Variants in C10orf90 observed in about 807,000 individuals in gnomAD.
C10orf90 encodes the protein (E2-independent) E3 ubiquitin-conjugating enzyme FATS.
C10orf90 carries 56 observed loss-of-function variants against 62.5 expected under a neutral mutation model. The observed-to-expected ratio is 0.90, with a 90% CI of 0.72 to 1.12. C10orf90 has a LOEUF of 1.12. C10orf90 is among the 50% of genes most tolerant of loss of function. The pLI is 0.00. For missense variants in C10orf90, 970 were observed against 880.4 expected (o/e 1.10, Z -1.29); for synonymous variants, 386 against 340.4 (o/e 1.13, Z -1.47).
intron 2 of C10orf90, among the ~76,000 whole-genome samples, chr10:126,617,436 G>A (rs988627873): frequency 3.9e-5 from 6 of 152,162 alleles, no homozygotes; most frequent in African/African-American, 9.7e-5. Flanking sequence ...GTGCCTTCCC[G>A]CTCATAATGA....
intron 2 of C10orf90, among the ~76,000 whole-genome samples, chr10:126,621,180 G>A (rs1332409548): frequency 2.0e-5 from 3 of 152,110 alleles, no homozygotes; most frequent in Non-Finnish European, 4.4e-5. Context: ...TTTCCCAGTG[G>A]ACTCTACGAC....
chr10:126,563,688 T>C (rs969948041), intron 2 of C10orf90, among the ~76,000 whole-genome samples: 38 of 152,164 alleles, frequency 2.5e-4, no homozygotes, highest in African/African-American at 8.9e-4. Flanking sequence ...GCACTAAACA[T>C]AGGAACACAA....
chr10:126,565,394 ATT>A (rs1491549471), intron 2 of C10orf90, among the ~76,000 whole-genome samples: 4 of 74,708 alleles, frequency 5.4e-5, no homozygotes, highest in Non-Finnish European at 7.0e-5. Flanking sequence ...TATTATATAT[ATT>A]ATATTATATA....
chr10:126,640,139 C>T (rs1326946886), intron 2 of C10orf90, among the ~76,000 whole-genome samples: 1 of 152,220 alleles, frequency 6.6e-6, no homozygotes, highest in African/African-American at 2.4e-5. Context: ...ATCAGAAAAG[C>T]AATGCTGCCT....
intron 2 of C10orf90, among the ~76,000 whole-genome samples, chr10:126,592,078 C>T (rs1361365240): frequency 6.6e-6 from 1 of 152,172 alleles, no homozygotes; most frequent in Non-Finnish European, 1.5e-5. Context: ...ACATTCCATG[C>T]TCATGAATAG....
At chr10:126,507,935 T>A (rs1451252094) in intron 3 of C10orf90, among the ~76,000 whole-genome samples, 1 of 151,778 alleles carries the variant, frequency 6.6e-6, no homozygotes, top group Non-Finnish European at 1.5e-5. Flanking sequence ...ACACATTCCC[T>A]CCCATTTTAG....
At chr10:126,668,840 GTGAC>G (rs1157875040) in intron 1 of C10orf90, among the ~76,000 whole-genome samples, 1 of 152,116 alleles carries the variant, frequency 6.6e-6, no homozygotes, top group Non-Finnish European at 1.5e-5. Context: ...AAATGTAGCT[GTGAC>G]TGTCATATAT....
chr10:126,469,333 T>A (rs140921027), intron 4 of C10orf90, among the ~76,000 whole-genome samples: 4 of 152,320 alleles, frequency 2.6e-5, no homozygotes, highest in African/African-American at 9.6e-5. Flanking sequence ...AAAGATTGTC[T>A]CTGAGGTTTT....
At chr10:126,439,655 A>C (rs1809413438) in intron 7 of C10orf90, among the ~76,000 whole-genome samples, 1 of 152,178 alleles carries the variant, frequency 6.6e-6, no homozygotes, top group Admixed American at 6.5e-5. Context: ...CTGAAACTGA[A>C]GGATATAACA....
intron 2 of C10orf90, among the ~76,000 whole-genome samples, chr10:126,599,402 G>A (rs1409136057): frequency 1.3e-5 from 2 of 151,048 alleles, no homozygotes; most frequent in Non-Finnish European, 2.9e-5. Context: ...GGGTTTCACC[G>A]TGTTAGCCAG....
chr10:126,502,779 TG>T, intron 4 of C10orf90: 1 of 521,580 alleles, frequency 1.9e-6, no homozygotes, highest in Non-Finnish European at 3.9e-6. Context: ...ACCACTAAAG[TG>T]GGATTTATCT....
intron 7 of C10orf90, among the ~76,000 whole-genome samples, chr10:126,433,718 A>G (rs552664373): frequency 6.6e-6 from 1 of 151,944 alleles, no homozygotes; most frequent in Admixed American, 6.5e-5. Flanking sequence ...TTTGAAAACA[A>G]AACAAAACAA....
intron 7 of C10orf90, among the ~76,000 whole-genome samples, chr10:126,448,583 G>T (rs539505267): frequency 1.3e-5 from 2 of 151,914 alleles, no homozygotes; most frequent in South Asian, 4.2e-4. Context: ...ACAAGTAATA[G>T]AAAAGATCAA....
At chr10:126,577,474 G>A (rs1477217345) in intron 2 of C10orf90, among the ~76,000 whole-genome samples, 3 of 151,792 alleles carry the variant, frequency 2.0e-5, no homozygotes, top group Non-Finnish European at 4.4e-5. Flanking sequence ...CCTTACAAAA[G>A]CTGTGCAAGA....
chr10:126,515,448 G>A (rs1863387662), intron 2 of C10orf90, among the ~76,000 whole-genome samples: 1 of 152,118 alleles, frequency 6.6e-6, no homozygotes, highest in Non-Finnish European at 1.5e-5. Flanking sequence ...TTTATGTTCA[G>A]ATATGTTTAG....
At chr10:126,526,803 A>C (rs1863962586) in intron 2 of C10orf90, among the ~76,000 whole-genome samples, 2 of 152,136 alleles carry the variant, frequency 1.3e-5, no homozygotes, top group Admixed American at 1.3e-4. Flanking sequence ...ATATCCTATA[A>C]ATTGAATCAT....
At chr10:126,637,080 G>A (rs548799311) in intron 2 of C10orf90, among the ~76,000 whole-genome samples, 2 of 152,272 alleles carry the variant, frequency 1.3e-5, no homozygotes, top group South Asian at 2.1e-4. Context: ...GGAGCCGAAA[G>A]TCACACCAAA....
intron 5 of C10orf90, among the ~76,000 whole-genome samples, chr10:126,461,810 T>G (rs1188254231): frequency 6.6e-6 from 1 of 152,162 alleles, no homozygotes; most frequent in Non-Finnish European, 1.5e-5. Flanking sequence ...CAGCTAATTA[T>G]GCCAGGGAGG....
intron 2 of C10orf90, among the ~76,000 whole-genome samples, chr10:126,544,701 A>T (rs1864451809): frequency 6.6e-6 from 1 of 152,222 alleles, no homozygotes; most frequent in Non-Finnish European, 1.5e-5. Flanking sequence ...GCAATGCTGC[A>T]GAATTGATTT....
Sources: gnomAD v4.1 joint callset for allele counts (sites outside exome capture counted in the v4.1 genomes callset) on GRCh38, gnomAD v4.1.1 for gene constraint, MANE v1.5 for transcripts, NCBI Gene and HGNC (gene_info 2026-07-23, HGNC 2026-07-21) for gene names.